Variants in CDK8 observed in about 807,000 individuals in gnomAD.
CDK8 encodes the protein cyclin dependent kinase 8.
A neutral mutation model predicts 71.5 loss-of-function variants in CDK8; 29 were observed. The observed-to-expected ratio is 0.41, with a 90% CI of 0.30 to 0.55. The LOEUF (loss-of-function observed/expected upper bound fraction) is 0.55. Among genes scored for constraint, CDK8 ranks in the 20% least tolerant of loss-of-function variants. The probability of loss-of-function intolerance (pLI) is 0.37; values close to 1 mark genes in which losing one functional copy is unlikely to be tolerated. For missense variants in CDK8, 288 were observed against 572.6 expected, an observed-to-expected ratio of 0.50 and a Z score of 5.07; for synonymous variants, 161 against 192.1, an observed-to-expected ratio of 0.84 and a Z score of 1.34.
chr13:26,369,709 C>CTTTTTTTT (rs36116401), intron 4 of CDK8, among the ~76,000 whole-genome samples: 1,373 of 94,702 alleles, frequency 0.014, no homozygotes, highest in East Asian at 0.018. Flanking sequence ...TTCTTTCTTT[C>CTTTTTTTT]TTTTTTTTTT....
At chr13:26,372,110 A>T (rs1026727360) in intron 4 of CDK8, among the ~76,000 whole-genome samples, 1 of 152,326 alleles carries the variant, frequency 6.6e-6, no homozygotes, top group East Asian at 1.9e-4. Flanking sequence ...AGAAATAAAG[A>T]TATGCATGGT....
At chr13:26,303,290 A>G (rs1873901525) in intron 1 of CDK8, among the ~76,000 whole-genome samples, 1 of 150,328 alleles carries the variant, frequency 6.7e-6, no homozygotes, top group Non-Finnish European at 1.5e-5. Flanking sequence ...TGGTACTTGG[A>G]TTATCTATAA....
intron 1 of CDK8, chr13:26,324,934 AT>A: frequency 5.0e-6 from 1 of 199,460 alleles, no homozygotes; most frequent in Non-Finnish European, 9.0e-6. Context: ...CAAGACAAAT[AT>A]TTTTTTAAGC....
chr13:26,379,458 C>T (rs1325367394), intron 4 of CDK8, among the ~76,000 whole-genome samples: 1 of 152,110 alleles, frequency 6.6e-6, no homozygotes, highest in East Asian at 1.9e-4. Context: ...TCGACCAGTT[C>T]AGTAAGTCTA....
intron 1 of CDK8, among the ~76,000 whole-genome samples, chr13:26,296,266 A>G (rs1319609829): frequency 6.6e-6 from 1 of 152,128 alleles, no homozygotes; most frequent in Non-Finnish European, 1.5e-5. Context: ...AAGACAGACA[A>G]ATGTTGTATT....
intron 1 of CDK8, among the ~76,000 whole-genome samples, chr13:26,266,113 C>T (rs1019898323): frequency 2.0e-5 from 3 of 151,498 alleles, no homozygotes; most frequent in Admixed American, 1.3e-4. Context: ...TGGATATTGC[C>T]ATTCACATAG....
intron 4 of CDK8, among the ~76,000 whole-genome samples, chr13:26,358,806 T>C (rs1162926409): frequency 6.6e-6 from 1 of 152,166 alleles, no homozygotes. Context: ...TAGAATATTA[T>C]TCAACCTTAA....
At position 26,371,757 on chromosome 13, in the gene CDK8, A is replaced by G. The variant is rs567785247; in HGVS notation, c.457-11057A>G. On this transcript the variant is annotated intron_variant, in intron 4 of 12. Transcript: ENST00000381527. ...CAGCCTCTTGAGCAGCTGGGATTAC[A>G]GGCGTGCACCACCATGCCCAGCTAA... Among the ~76,000 whole-genome samples the G allele has an allele frequency of 3.3e-5, 5 of 152,204 alleles. No individual in the cohort carries two copies. In the South Asian group the frequency reaches 1.0e-3, roughly 32 times the overall value.
At position 26,282,172 on chromosome 13, in the gene CDK8, G is replaced by A. The variant is rs78452151; in HGVS notation, c.128+27403G>A. Among the ~76,000 whole-genome samples, 825 of 152,142 alleles carry A rather than the reference G, an allele frequency of 5.4e-3. 6 individuals carry two copies. The highest frequency in any genetic ancestry group is 9.2e-3 in the Non-Finnish European group (623 of 68,010). On this transcript the variant is annotated intron_variant, in intron 1 of 12. Transcript: ENST00000381527. ...GGGAATAATTGAGGAAAACTTCCTC[G>A]GCTTCACAAGAGATCTAGGTATCCA...
At position 26,397,197 on chromosome 13, in the gene CDK8, T is replaced by G; in HGVS notation, c.905T>G (p.Val302Gly). Residue 302 changes from valine to glycine, a missense_variant, in exon 9 of 13, where the codon GTT becomes GGT. Coordinates refer to ENST00000381527, the MANE Select transcript of CDK8 (RefSeq NM_001260.3). ...ATCAAGTATATGGAAAAACATAAAGTTAAACCAGATAGTAAAGCATTCCAC... is the reference window on the plus strand; with the variant it reads ...ATCAAGTATATGGAAAAACATAAAGGTAAACCAGATAGTAAAGCATTCCAC... ...SLIKYMEKHK[V>G]KPDSKAFHLL... 1.3e-6 allele frequency: 2 copies of G among 1,596,736 alleles called. No homozygotes were observed. The highest frequency in any genetic ancestry group is 1.7e-6 in the Non-Finnish European group (2 of 1,166,754).
At chr13:26,290,051 A>G (rs1428379386) in intron 1 of CDK8, among the ~76,000 whole-genome samples, 1 of 152,328 alleles carries the variant, frequency 6.6e-6, no homozygotes, top group East Asian at 1.9e-4. Flanking sequence ...TGACTTTATC[A>G]TGTATAGGTA....
intron 3 of CDK8, among the ~76,000 whole-genome samples, chr13:26,351,260 A>G (rs1019482955): frequency 6.6e-6 from 1 of 152,184 alleles, no homozygotes; most frequent in African/African-American, 2.4e-5. Context: ...CTAAATTAGC[A>G]TGGCTATGCT....
intron 1 of CDK8, among the ~76,000 whole-genome samples, chr13:26,255,874 GA>G (rs994463625): frequency 1.1e-4 from 16 of 151,296 alleles, no homozygotes; most frequent in Non-Finnish European, 1.2e-4. Flanking sequence ...ACATTAGCAC[GA>G]AAAAAAAATT....
At chr13:26,376,636 G>A (rs1466239651) in intron 4 of CDK8, among the ~76,000 whole-genome samples, 2 of 152,146 alleles carry the variant, frequency 1.3e-5, no homozygotes, top group Non-Finnish European at 2.9e-5. Context: ...GCTAGGCTCT[G>A]CTACAGGAAG....
chr13:26,387,368 A>G (rs963783157), intron 6 of CDK8, among the ~76,000 whole-genome samples: 1 of 152,168 alleles, frequency 6.6e-6, no homozygotes, highest in South Asian at 2.1e-4. Flanking sequence ...AAATCAGGTT[A>G]CTAAAACTGC....
rs962636838 is a variant in CDK8, at chr13:26,395,957, A to G, written c.791-328A>G. Among the ~76,000 whole-genome samples, 12 of 152,328 alleles carry G rather than the reference A, an allele frequency of 7.9e-5. No homozygotes were observed. In the South Asian group the frequency reaches 2.1e-3, roughly 26 times the overall value. ...AAAGGGGAAATAAGCAGTTTTACTAATAGAAAGAGGACATTTAATAAGATA... is the reference window on the plus strand; with the variant it reads ...AAAGGGGAAATAAGCAGTTTTACTAGTAGAAAGAGGACATTTAATAAGATA... On this transcript the variant is annotated intron_variant, in intron 7 of 12. Coordinates refer to ENST00000381527, the MANE Select transcript of CDK8 (RefSeq NM_001260.3).
intron 6 of CDK8, among the ~76,000 whole-genome samples, chr13:26,388,627 C>T (rs1593306951): frequency 6.6e-6 from 1 of 152,168 alleles, no homozygotes; most frequent in South Asian, 2.1e-4. Context: ...AAACTTGTGA[C>T]TCTGGCTCAC....
At chr13:26,396,248 C>A in intron 7 of CDK8, 37 bp from the exon 8 acceptor site, 1 of 900,084 alleles carries the variant, frequency 1.1e-6, no homozygotes, top group Non-Finnish European at 1.7e-6. Flanking sequence ...AGAATAGGAA[C>A]TTAGGCAACA....
chr13:26,403,046 TGA>T (rs1316951352), intron 12 of CDK8, among the ~76,000 whole-genome samples: 5 of 152,242 alleles, frequency 3.3e-5, no homozygotes, highest in African/African-American at 1.2e-4. Flanking sequence ...GCAAATAGTA[TGA>T]GAGAGAGGTG....
Sources: gnomAD v4.1 joint callset for allele counts (sites outside exome capture counted in the v4.1 genomes callset) on GRCh38, gnomAD v4.1.1 for gene constraint, MANE v1.5 for transcripts, NCBI Gene and HGNC (gene_info 2026-07-23, HGNC 2026-07-21) for gene names.